Variants in GALNT18 observed in about 807,000 individuals in gnomAD.
GALNT18 encodes polypeptide N-acetylgalactosaminyltransferase 18, also known as GalNAc-transferase 18.
In GALNT18, 44 loss-of-function variants were observed where a neutral mutation model predicts 69.5. That is an observed-to-expected ratio of 0.63 (90% CI 0.50 to 0.81). The LOEUF (loss-of-function observed/expected upper bound fraction) is 0.81. GALNT18 is among the 40% of genes least tolerant of loss of function. The probability of loss-of-function intolerance (pLI) is 0.00; values close to 1 mark genes in which losing one functional copy is unlikely to be tolerated. For missense variants in GALNT18, 715 were observed against 810.0 expected (o/e 0.88, Z 1.42); for synonymous variants, 364 against 318.2 (o/e 1.14, Z -1.53).
intron 1 of GALNT18, among the ~76,000 whole-genome samples, chr11:11,610,269 C>T (rs1019149039): frequency 1.3e-5 from 2 of 152,228 alleles, no homozygotes; most frequent in Non-Finnish European, 2.9e-5. Context: ...CCCTTAGCCC[C>T]TTGCTAAGGA....
chr11:11,368,407 C>T (rs1360678479), intron 6 of GALNT18, among the ~76,000 whole-genome samples: 1 of 152,078 alleles, frequency 6.6e-6, no homozygotes, highest in Non-Finnish European at 1.5e-5. Context: ...TTTTGCCTAA[C>T]CCTCCATACT....
chr11:11,443,941 G>A (rs1001830446), intron 2 of GALNT18, among the ~76,000 whole-genome samples: 2 of 152,226 alleles, frequency 1.3e-5, no homozygotes, highest in Non-Finnish European at 2.9e-5. Context: ...TGCAGATGAG[G>A]TTGGAAAAAC....
intron 10 of GALNT18, among the ~76,000 whole-genome samples, chr11:11,273,512 A>G (rs1274979413): frequency 6.6e-6 from 1 of 152,224 alleles, no homozygotes; most frequent in Non-Finnish European, 1.5e-5. Flanking sequence ...CACCCCAGTT[A>G]AAATGGCTTT....
intron 10 of GALNT18, among the ~76,000 whole-genome samples, chr11:11,277,971 T>C (rs1395167191): frequency 1.3e-5 from 2 of 152,192 alleles, no homozygotes; most frequent in Non-Finnish European, 2.9e-5. Context: ...GAAGAATGTA[T>C]ATTCTGTTGA....
intron 1 of GALNT18, among the ~76,000 whole-genome samples, chr11:11,474,637 T>A (rs772892908): frequency 2.4e-4 from 36 of 152,178 alleles, no homozygotes; most frequent in Non-Finnish European, 4.7e-4. Flanking sequence ...ATTTTGGAAG[T>A]AGAAACACTG....
intron 10 of GALNT18, among the ~76,000 whole-genome samples, chr11:11,282,795 T>C (rs959320739): frequency 6.6e-6 from 1 of 152,212 alleles, no homozygotes; most frequent in South Asian, 2.1e-4. Flanking sequence ...TCTAGGCCAC[T>C]GAGATATATC....
intron 1 of GALNT18, among the ~76,000 whole-genome samples, chr11:11,521,628 T>C (rs1857401102): frequency 6.6e-6 from 1 of 152,206 alleles, no homozygotes; most frequent in African/African-American, 2.4e-5. Context: ...TCTTATTCAC[T>C]ATCAGAAAAT....
chr11:11,430,850 C>T lies in GALNT18; in HGVS notation c.595+1771G>A, dbSNP rs1488753307. Among the ~76,000 whole-genome samples the T allele has an allele frequency of 6.6e-6, 1 of 152,200 alleles. No individual in the cohort carries two copies. The highest frequency in any genetic ancestry group is 1.5e-5 in the Non-Finnish European group (1 of 68,042). On this transcript the variant is annotated intron_variant, in intron 3 of 10. Transcript: ENST00000227756. This position sits in a 1 kb window ranked among gnomAD's most constrained non-coding sequence, Gnocchi z 4.9. ...TCATCCATTTCCCTTCTTCAAGATG[C>T]CCTTTTCCCCCGCCAATATAATAAA...
At chr11:11,441,724 T>C (rs1367904330) in intron 2 of GALNT18, among the ~76,000 whole-genome samples, 1 of 152,214 alleles carries the variant, frequency 6.6e-6, no homozygotes, top group Non-Finnish European at 1.5e-5. Context: ...TCGCTCATGG[T>C]TAGCAACTCT....
chr11:11,437,349 C>T (rs574780170), intron 2 of GALNT18, among the ~76,000 whole-genome samples: 8 of 152,236 alleles, frequency 5.3e-5, no homozygotes, highest in African/African-American at 1.9e-4. Context: ...CAAGGCATTT[C>T]TGAGAGGGGA....
At chr11:11,597,282 T>A (rs940116716) in intron 1 of GALNT18, among the ~76,000 whole-genome samples, 8 of 152,216 alleles carry the variant, frequency 5.3e-5, no homozygotes, top group African/African-American at 1.9e-4. Context: ...CTGGTTTTGA[T>A]ATCAGGGTTA....
intron 1 of GALNT18, among the ~76,000 whole-genome samples, chr11:11,498,683 C>T (rs1354496445): frequency 1.3e-5 from 2 of 152,178 alleles, no homozygotes; most frequent in Non-Finnish European, 2.9e-5. Flanking sequence ...CCTGTAGTCC[C>T]AGCTACTGGG....
At chr11:11,434,025 A>G (rs902300667) in intron 2 of GALNT18, among the ~76,000 whole-genome samples, 5 of 152,084 alleles carry the variant, frequency 3.3e-5, no homozygotes, top group Non-Finnish European at 7.4e-5. Context: ...AGTTGCAGAA[A>G]AAAGTGTTGC....
At chr11:11,486,699 G>C (rs1856653167) in intron 1 of GALNT18, among the ~76,000 whole-genome samples, 1 of 152,196 alleles carries the variant, frequency 6.6e-6, no homozygotes, top group Non-Finnish European at 1.5e-5. Flanking sequence ...TCTAGCATGG[G>C]GTTTGGCTTC....
intron 3 of GALNT18, among the ~76,000 whole-genome samples, chr11:11,417,474 C>A (rs1015181240): frequency 6.6e-6 from 1 of 152,182 alleles, no homozygotes; most frequent in African/African-American, 2.4e-5. Flanking sequence ...ATGGCAGAAG[C>A]TGCAGACAGA....
chr11:11,585,589 C>T (rs1026961230), intron 1 of GALNT18, among the ~76,000 whole-genome samples: 4 of 152,116 alleles, frequency 2.6e-5, no homozygotes, highest in Non-Finnish European at 5.9e-5. Flanking sequence ...CTCCCGACCT[C>T]AGGTGATCCG....
rs150697264 is a variant in GALNT18, at chr11:11,493,869, G to A, written c.236-44933C>T. The stretch of plus-strand genomic sequence containing the variant: ...TTTTCCCCCTTTCCTTCACCAACCC[G>A]CTCCTGTCCCAGCGTGTGGCAGCAG... On this transcript the variant is annotated intron_variant, in intron 1 of 10. Transcript: ENST00000227756. Among the ~76,000 whole-genome samples the A allele has an allele frequency of 2.6e-5, 4 of 152,128 alleles. No individual in the cohort carries two copies. In the East Asian group the frequency reaches 5.8e-4, roughly 22 times the overall value.
rs1849631860 is a variant in GALNT18 at position 11,309,261 on chromosome 11, T to C, written c.1513-16068A>G. 6.6e-6 allele frequency among the ~76,000 whole-genome samples: 1 copy of C among 152,170 alleles called. No homozygotes were observed. The highest frequency in any genetic ancestry group is 1.5e-5 in the Non-Finnish European group (1 of 68,028). On this transcript the variant is annotated intron_variant, in intron 9 of 10. Coordinates refer to ENST00000227756, the MANE Select transcript of GALNT18 (RefSeq NM_198516.3). This position sits in a 1 kb window ranked among gnomAD's most constrained non-coding sequence, Gnocchi z 4.6. ...TTGATATTGGCCTTCCCAGCTTCCATAGCCATGAGCTGATGAATTTCTCTT... is the reference window on the plus strand; with the variant it reads ...TTGATATTGGCCTTCCCAGCTTCCACAGCCATGAGCTGATGAATTTCTCTT...
intron 1 of GALNT18, among the ~76,000 whole-genome samples, chr11:11,537,394 T>G (rs932027175): frequency 6.6e-6 from 1 of 152,192 alleles, no homozygotes; most frequent in Non-Finnish European, 1.5e-5. Flanking sequence ...CATAATTCTT[T>G]GGAGAATTTA....
Sources: gnomAD v4.1 joint callset for allele counts (sites outside exome capture counted in the v4.1 genomes callset) on GRCh38, gnomAD v4.1.1 for gene constraint, Gnocchi (gnomAD v3.1) non-coding constraint, MANE v1.5 for transcripts, NCBI Gene and HGNC (gene_info 2026-07-23, HGNC 2026-07-21) for gene names.